The following BACH2 variants were observed in gnomAD, a reference collection of about 807,000 sequenced individuals.
BACH2 encodes transcription regulator protein BACH2.
BACH2 carries 5 observed loss-of-function variants against 61.8 expected under a neutral mutation model. The ratio of observed to expected loss-of-function variants is 0.08; its 90% CI spans 0.04 to 0.17. The LOEUF is 0.17. BACH2 is among the 10% of genes least tolerant of loss of function. The pLI, the probability that BACH2 is intolerant of heterozygous loss-of-function variation, is 1.00. For missense variants in BACH2, 824 were observed against 1,091.1 expected (o/e 0.76, Z 3.45); for synonymous variants, 446 against 440.1 (o/e 1.01, Z -0.17).
intron 5 of BACH2, among the ~76,000 whole-genome samples, chr6:90,022,470 G>A (rs1308916298): frequency 6.6e-6 from 1 of 152,168 alleles, no homozygotes; most frequent in Non-Finnish European, 1.5e-5. Context: ...TGTAATCCCA[G>A]CTACTCAGGA....
intron 4 of BACH2, among the ~76,000 whole-genome samples, chr6:90,198,900 G>A (rs1047332302): frequency 6.6e-6 from 1 of 152,146 alleles, no homozygotes; most frequent in Non-Finnish European, 1.5e-5. Flanking sequence ...AATCATGGGG[G>A]TGGGTCTTTC....
chr6:90,225,689 T>C (rs572308005), intron 3 of BACH2, among the ~76,000 whole-genome samples: 67 of 152,308 alleles, frequency 4.4e-4, no homozygotes, highest in African/African-American at 1.6e-3. Flanking sequence ...GATAGGTTGA[T>C]AGGTGCAGCA....
chr6:89,957,629 C>G (rs1774497359), intron 6 of BACH2, among the ~76,000 whole-genome samples: 1 of 152,186 alleles, frequency 6.6e-6, no homozygotes, highest in African/African-American at 2.4e-5. Flanking sequence ...CAGCCTCAAC[C>G]TTTGGGGCTC....
chr6:90,287,248 G>A (rs1419958803), intron 1 of BACH2, among the ~76,000 whole-genome samples: 1 of 152,174 alleles, frequency 6.6e-6, no homozygotes, highest in Non-Finnish European at 1.5e-5. Flanking sequence ...ATGTCCAGAT[G>A]TCACCACCAT....
chr6:90,089,949 A>C (rs1363857632), intron 4 of BACH2, among the ~76,000 whole-genome samples: 7 of 152,208 alleles, frequency 4.6e-5, no homozygotes, highest in African/African-American at 1.7e-4. Flanking sequence ...TGTTCAGGCC[A>C]GGTTTTCCTA....
Position 90,008,478 on chromosome 6 carries a change from G to A in BACH2, c.243+124C>T. 4.1e-6 allele frequency: 5 copies of A among 1,207,504 alleles called. No homozygotes were observed. Among genetic ancestry groups the A allele is most frequent in the Non-Finnish European group, 5.9e-6 (5 of 854,084 alleles). The allele number at this position is 1,207,504 out of a possible 1,614,324, so 74.8% of individuals were successfully genotyped here. A position where few individuals can be genotyped will look rare whatever the true frequency, so the allele number is the denominator to read the frequency against. On this transcript the variant is annotated intron_variant, in intron 6 of 8. Transcript: ENST00000257749. This position sits in a 1 kb window ranked among gnomAD's most constrained non-coding sequence, Gnocchi z 4.1. ...ACTGACTATGCCACAGACCTAACATGTGACTTGGACATCAACTCCTGAGTG... is the reference window on the plus strand; with the variant it reads ...ACTGACTATGCCACAGACCTAACATATGACTTGGACATCAACTCCTGAGTG...
intron 5 of BACH2, among the ~76,000 whole-genome samples, chr6:90,051,367 G>A (rs1282479560): frequency 6.6e-6 from 1 of 151,982 alleles, no homozygotes; most frequent in East Asian, 1.9e-4. Flanking sequence ...GTTAGTACAG[G>A]ACTGGCAAAT....
At chr6:90,104,516 C>T (rs912398528) in intron 4 of BACH2, 8 of 152,216 alleles carry the variant, frequency 5.3e-5, no homozygotes, top group African/African-American at 1.9e-4. Flanking sequence ...GACAGCACAG[C>T]CCCTAGACCC....
At chr6:90,153,891 C>T (rs139763395) in intron 4 of BACH2, among the ~76,000 whole-genome samples, 49 of 152,242 alleles carry the variant, frequency 3.2e-4, no homozygotes, top group Admixed American at 1.2e-3. Context: ...ATGTAATTTA[C>T]GCTTAAAGTA....
At chr6:89,972,521 A>C (rs148243888) in intron 6 of BACH2, among the ~76,000 whole-genome samples, 355 of 152,300 alleles carry the variant, frequency 2.3e-3, no homozygotes, top group African/African-American at 8.3e-3. Context: ...TTTGGAAGCT[A>C]TTTGGGACGC....
intron 3 of BACH2, among the ~76,000 whole-genome samples, chr6:90,228,707 C>G (rs1342565518): frequency 2.6e-5 from 4 of 152,090 alleles, no homozygotes; most frequent in African/African-American, 7.2e-5. Flanking sequence ...CCACTGCACT[C>G]CAGCCTGGGT....
At chr6:90,168,182 G>A (rs1767693881) in intron 4 of BACH2, among the ~76,000 whole-genome samples, 1 of 152,094 alleles carries the variant, frequency 6.6e-6, no homozygotes, top group Non-Finnish European at 1.5e-5. Context: ...AACATAGTGA[G>A]ACCCCATCTC....
At chr6:90,263,015 A>C (rs1457779945) in intron 2 of BACH2, among the ~76,000 whole-genome samples, 2 of 152,240 alleles carry the variant, frequency 1.3e-5, no homozygotes, top group Non-Finnish European at 2.9e-5. Context: ...TAAAAGTCAC[A>C]GTTTGTAAAT....
intron 5 of BACH2, among the ~76,000 whole-genome samples, chr6:90,067,749 G>A (rs1483699211): frequency 6.6e-6 from 1 of 152,098 alleles, no homozygotes; most frequent in East Asian, 1.9e-4. Flanking sequence ...GGTGGTAATC[G>A]GCTGTGCACA....
At chr6:90,168,100 T>C (rs931177186) in intron 4 of BACH2, among the ~76,000 whole-genome samples, 1 of 152,222 alleles carries the variant, frequency 6.6e-6, no homozygotes, top group Non-Finnish European at 1.5e-5. Flanking sequence ...GCTGCACGCC[T>C]GTAATCTCAG....
intron 6 of BACH2, among the ~76,000 whole-genome samples, chr6:90,004,072 AC>A (rs1394774678): frequency 6.6e-6 from 1 of 152,148 alleles, no homozygotes. Context: ...CTGAACCTAA[AC>A]CATCCCAGAG....
rs1773270312 is a variant in BACH2, at chr6:89,939,553, C to A, written c.1837-1203G>T. 2.0e-5 allele frequency among the ~76,000 whole-genome samples: 3 copies of A among 151,980 alleles called. No homozygotes were observed. In the South Asian group the frequency reaches 6.2e-4, roughly 32 times the overall value. The stretch of plus-strand genomic sequence containing the variant: ...TTCCAAATCTTGACAAATTCCAATT[C>A]TTGACAAATCAAGGCAAATAAGCAT... On this transcript the variant is annotated intron_variant, in intron 7 of 8. Transcript: ENST00000257749.
intron 5 of BACH2, among the ~76,000 whole-genome samples, chr6:90,083,266 A>C (rs1010716845): frequency 6.6e-6 from 1 of 152,232 alleles, no homozygotes; most frequent in African/African-American, 2.4e-5. Flanking sequence ...TTGATAAACA[A>C]TTTGTACTAC....
chr6:90,011,643 T>A (rs923728181), intron 5 of BACH2, among the ~76,000 whole-genome samples: 2 of 152,096 alleles, frequency 1.3e-5, no homozygotes, highest in Non-Finnish European at 2.9e-5. Flanking sequence ...CTGGCTAATT[T>A]AAAAATATTT....
Sources: allele counts gnomAD v4.1 joint callset (sites outside exome capture counted in the v4.1 genomes callset), GRCh38; gene constraint gnomAD v4.1.1; non-coding constraint Gnocchi (gnomAD v3.1); transcripts MANE v1.5; gene names NCBI Gene and HGNC (gene_info 2026-07-23, HGNC 2026-07-21).